KRT76: variants seen among roughly 807,000 people sequenced by gnomAD.
The protein encoded by KRT76 is keratin, type II cytoskeletal 2 oral.
In KRT76, 47 loss-of-function variants were observed where a neutral mutation model predicts 44.9. The ratio of observed to expected loss-of-function variants is 1.05; its 90% CI spans 0.83 to 1.33. KRT76 has a LOEUF of 1.33. KRT76 is among the 40% of genes most tolerant of loss of function. The probability of loss-of-function intolerance (pLI) is 0.00; values close to 1 mark genes in which losing one functional copy is unlikely to be tolerated. For synonymous variants in KRT76, 331 were observed against 294.1 expected (o/e 1.13, Z -1.28); for missense variants, 860 against 775.8 (o/e 1.11, Z -1.29).
At position 52,768,825 on chromosome 12, in the gene KRT76, G is replaced by C. The variant is rs201091632; in HGVS notation, c.1805C>G (p.Ser602Cys). The C allele has an allele frequency of 2.0e-4, 326 of 1,613,994 alleles. No homozygotes were observed. Among genetic ancestry groups the C allele is most frequent in the Non-Finnish European group, 2.7e-4 (316 of 1,179,944 alleles). Residue 602 changes from serine (S) to cysteine (C), a missense_variant, in exon 9 of 9, where the codon TCT (serine) becomes TGT (cysteine). Transcript: ENST00000332411. The stretch of plus-strand genomic sequence containing the variant: ...TCCTCCAGAAGTCTGGATGCTGCCA[G>C]AGCTGGAGCCCATTCCACTGTGGCT... The part of the protein sequence containing the change: ...SVSHSGMGSS[S>C]GSIQTSGGSG...
At chr12:52,776,080 C>G (rs534800008) in intron 1 of KRT76, among the ~76,000 whole-genome samples, 8 of 151,224 alleles carry the variant, frequency 5.3e-5, no homozygotes, top group Non-Finnish European at 1.0e-4. Context: ...TCAATGAGGT[C>G]TAACATTTCT....
At chr12:52,769,214 A>T (rs1939142213) in intron 8 of KRT76, 104 bp from the exon 9 acceptor site, 2 of 616,976 alleles carry the variant, frequency 3.2e-6, no homozygotes, top group South Asian at 3.9e-5. Flanking sequence ...TTCGAGAAAG[A>T]TGCTAACTTA....
At position 52,773,572 on chromosome 12, in the gene KRT76, G is replaced by A; in HGVS notation, c.876+10C>T. On this transcript the variant is annotated intron_variant, in intron 3 of 8. Transcript: ENST00000332411. ...AGGAAACCTGGATATGCTGGTCCAG[G>A]CTCACCTACCTTCTTGAGCCCCACA... 1 of 1,607,708 alleles carries A rather than the reference G, an allele frequency of 6.2e-7. No individual in the cohort carries two copies. Among genetic ancestry groups the A allele is most frequent in the Non-Finnish European group, 8.5e-7 (1 of 1,175,036 alleles).
At chr12:52,773,756 A>G in intron 2 of KRT76, 114 bp from the exon 3 acceptor site, 1 of 716,846 alleles carries the variant, frequency 1.4e-6, no homozygotes, top group Non-Finnish European at 2.4e-6. Flanking sequence ...CTTCATGGGC[A>G]CGTGCAGTTA....
intron 3 of KRT76, 51 bp downstream of exon 3, chr12:52,773,531 G>C (rs761987669): frequency 6.3e-6 from 9 of 1,425,718 alleles, no homozygotes; most frequent in African/African-American, 2.8e-5. Flanking sequence ...TCTCTCCATG[G>C]GGGCAGCTCC....
intron 8 of KRT76, 96 bp from the exon 9 acceptor site, chr12:52,769,206 C>A: frequency 1.6e-6 from 1 of 618,908 alleles, no homozygotes; most frequent in South Asian, 2.0e-5. Context: ...CATGTGACTT[C>A]GAGAAAGATG....
intron 7 of KRT76, 100 bp from the exon 8 acceptor site, chr12:52,769,683 A>C (rs10876340): frequency 0.15 from 144,369 of 979,714 alleles, 13,191 homozygotes; most frequent in African/African-American, 0.34. Context: ...CATTTGCCCC[A>C]CTAGGGGTCA....
At chr12:52,776,332 G>C (rs1043048166) in intron 1 of KRT76, among the ~76,000 whole-genome samples, 2 of 152,336 alleles carry the variant, frequency 1.3e-5, no homozygotes, top group Middle Eastern at 6.8e-3. Flanking sequence ...TTGATTACCA[G>C]CTACTTTGGA....
Position 52,776,734 on chromosome 12 carries a change from C to A in KRT76, c.558G>T (p.Gln186His). 1 of 1,614,186 alleles carries A rather than the reference C, an allele frequency of 6.2e-7. No individual in the cohort carries two copies. Among genetic ancestry groups the A allele is most frequent in the Admixed American group, 1.7e-5 (1 of 60,026 alleles). The change falls in exon 1 of 9, where the codon CAG becomes CAT. Residue 186 changes from glutamine (Q) to histidine (H), a missense_variant. Transcript: ENST00000332411. The part of the protein sequence containing the change: ...IGQVKAQERE[Q>H]IKTLNNKFAS... ...CAAACTTGTTGTTGAGGGTCTTGAT[C>A]TGTTCCCGCTCCTGGGCCTTTACTT...
In KRT76 at chr12:52,768,420, A is replaced by C; in HGVS notation, c.*293T>G. ...GAAAGGGAGATGGGCCAGAGTGGGA[A>C]CAGGCCAGGCTGTGAAGGCCAAAAC... On this transcript the variant is annotated 3_prime_UTR_variant, in exon 9 of 9. Coordinates refer to ENST00000332411, the MANE Select transcript of KRT76 (RefSeq NM_015848.4). 5.8e-6 allele frequency: 2 copies of C among 344,218 alleles called. No individual in the cohort carries two copies. Among genetic ancestry groups the C allele is most frequent in the Non-Finnish European group, 1.1e-5 (2 of 186,616 alleles). 21.3% of individuals were successfully genotyped at this position (344,218 alleles called of 1,614,324 possible). A position where few individuals can be genotyped will look rare whatever the true frequency, so the allele number is the denominator to read the frequency against.
chr12:52,771,826 G>A (rs1243428441), intron 6 of KRT76, 45 bp downstream of exon 6: 1 of 1,590,722 alleles, frequency 6.3e-7, no homozygotes, highest in African/African-American at 1.3e-5. Flanking sequence ...CTTCTCTCCG[G>A]GGCCCAGAAG....
At chr12:52,776,136 C>T (rs1469809001) in intron 1 of KRT76, among the ~76,000 whole-genome samples, 2 of 152,324 alleles carry the variant, frequency 1.3e-5, no homozygotes, top group East Asian at 3.9e-4. Flanking sequence ...ATTCAGCTTG[C>T]AGCTGAACTA....
rs1414831362 is a variant in KRT76, at chr12:52,772,808, C to T, written c.947G>A (p.Ser316Asn). The change falls in exon 4 of 9, where the codon AGC (serine) becomes AAC (asparagine). Residue 316 changes from serine (S) to asparagine (N), a missense_variant. Transcript: ENST00000332411. ...CATCTCATAGAGGGTCCTCAGGAAG[C>T]TGACTTCATCTGTCAGGCTGTCCAC... ...AKVDSLTDEV[S>N]FLRTLYEMEL... The T allele has an allele frequency of 3.1e-6, 5 of 1,613,736 alleles. No individual in the cohort carries two copies. In the East Asian group the frequency reaches 6.7e-5, roughly 22 times the overall value.
In KRT76 at chr12:52,769,597, G is replaced by A. The variant is rs951112562; in HGVS notation, c.1485-14C>T. 3.7e-6 allele frequency: 6 copies of A among 1,612,702 alleles called. No homozygotes were observed. Among genetic ancestry groups the A allele is most frequent in the Non-Finnish European group, 1.7e-6 (2 of 1,178,820 alleles). The stretch of plus-strand genomic sequence containing the variant: ...TCTCCAGACATCCTGAAAAGGAAGA[G>A]GAGAGGTGAATTCTTTCTGTTATGA... On this transcript the variant is annotated splice_polypyrimidine_tract_variant and intron_variant, in intron 7 of 8. Transcript: ENST00000332411.
intron 7 of KRT76, among the ~76,000 whole-genome samples, chr12:52,770,492 C>G (rs911589772): frequency 8.5e-5 from 13 of 152,332 alleles, no homozygotes; most frequent in Non-Finnish European, 1.5e-4. Context: ...ATGGACTCAG[C>G]TTCAGGGGTG....
At chr12:52,775,114 C>G (rs1939240238) in intron 2 of KRT76, among the ~76,000 whole-genome samples, 1 of 152,158 alleles carries the variant, frequency 6.6e-6, no homozygotes, top group East Asian at 1.9e-4. Context: ...GGCGGACTCC[C>G]CATCCTAAAG....
chr12:52,775,066 A>G (rs565067334), intron 2 of KRT76, among the ~76,000 whole-genome samples: 7 of 152,302 alleles, frequency 4.6e-5, no homozygotes, highest in Non-Finnish European at 8.8e-5. Flanking sequence ...CGCATTGTTG[A>G]CAAGCATCCA....
At position 52,776,960 on chromosome 12, in the gene KRT76, C is replaced by A; in HGVS notation, c.332G>T (p.Gly111Val). 6.2e-7 allele frequency: 1 copy of A among 1,613,972 alleles called. No individual in the cohort carries two copies. The highest frequency in any genetic ancestry group is 1.6e-4 in the Middle Eastern group (1 of 6,062). Residue 111 changes from glycine (G) to valine (V), a missense_variant, in exon 1 of 9, where the codon GGA becomes GTA. By Grantham distance (109) the Gly-to-Val change is moderately radical. Transcript: ENST00000332411. ...AGCCCCTCCAAAACCACTACCTACT[C>A]CTCTGCCACCACCAAAGCCACCACC... is the stretch of plus-strand genomic sequence containing the variant. ...SYGGGFGGGRGVGSGFGGAGG... is the reference protein window; with the variant it reads ...SYGGGFGGGRVVGSGFGGAGG...
At chr12:52,770,044 G>C (rs1939155868) in intron 7 of KRT76, among the ~76,000 whole-genome samples, 1 of 152,146 alleles carries the variant, frequency 6.6e-6, no homozygotes, top group South Asian at 2.1e-4. Flanking sequence ...ATATGGGAGG[G>C]GCTGAAACTC....
Sources: allele counts gnomAD v4.1 joint callset (sites outside exome capture counted in the v4.1 genomes callset), GRCh38; gene constraint gnomAD v4.1.1; transcripts MANE v1.5; gene names NCBI Gene and HGNC (gene_info 2026-07-23, HGNC 2026-07-21).